The following CRAMP1 variants were observed in gnomAD, a reference collection of about 807,000 sequenced individuals.
CRAMP1 encodes the protein cramped chromatin regulator 1.
A neutral mutation model predicts 115.4 loss-of-function variants in CRAMP1; 50 were observed. That is an observed-to-expected ratio of 0.43 (90% CI 0.35 to 0.55). CRAMP1 has a LOEUF of 0.55. CRAMP1 is among the 20% of genes least tolerant of loss of function. The pLI is 0.01. For missense variants in CRAMP1, 1,679 were observed against 1,721.7 expected, an observed-to-expected ratio of 0.98 and a Z score of 0.44; for synonymous variants, 866 against 745.4, an observed-to-expected ratio of 1.16 and a Z score of -2.64.
At position 1,670,736 on chromosome 16, in the gene CRAMP1, T is replaced by G; in HGVS notation, c.3572T>G (p.Leu1191Trp). ...TPIGTNSGTSLLGPSLLDGNS... is the reference protein window; with the variant it reads ...TPIGTNSGTSWLGPSLLDGNS... ...ATTGGGACCAACAGTGGCACTTCCT[T>G]GCTTGGCCCCAGCTTGTTGGATGGA... Residue 1191 changes from leucine (L) to tryptophan (W), a missense_variant, in exon 20 of 21, where the codon TTG becomes TGG. Leu to Trp is a moderately conservative substitution (Grantham distance 61, BLOSUM62 -2). This residue lies in a region of CRAMP1 where 709 missense variants were observed against 741.9 expected (regional missense o/e 0.96). Transcript: ENST00000397412. The G allele has an allele frequency of 1.2e-6, 2 of 1,614,018 alleles. No individual in the cohort carries two copies. Among genetic ancestry groups the G allele is most frequent in the Non-Finnish European group, 1.7e-6 (2 of 1,179,878 alleles).
At chr16:1,667,448 C>G (rs1255173657) in intron 17 of CRAMP1, 48 bp downstream of exon 17, 8 of 1,448,856 alleles carry the variant, frequency 5.5e-6, no homozygotes, top group Non-Finnish European at 7.7e-6. Flanking sequence ...CCCCAGGACT[C>G]CCTCCAGTGC....
At chr16:1,641,004 G>C in intron 5 of CRAMP1, 135 bp from the exon 6 acceptor site, 1 of 625,548 alleles carries the variant, frequency 1.6e-6, no homozygotes, top group Admixed American at 2.8e-5. Flanking sequence ...GCTACTGTAG[G>C]GCTTTTATTC....
chr16:1,667,631 A>C (rs2036887206), intron 17 of CRAMP1, among the ~76,000 whole-genome samples: 1 of 152,144 alleles, frequency 6.6e-6, no homozygotes, highest in African/African-American at 2.4e-5. Flanking sequence ...TTTCAGACCC[A>C]GCTCTGGAAG....
At chr16:1,651,953 T>G (rs1459008792) in intron 6 of CRAMP1, among the ~76,000 whole-genome samples, 3 of 143,208 alleles carry the variant, frequency 2.1e-5, no homozygotes, top group Non-Finnish European at 4.6e-5. Flanking sequence ...TAGAAGTGGA[T>G]TGAGGTCACA....
intron 10 of CRAMP1, among the ~76,000 whole-genome samples, chr16:1,657,705 G>A (rs1036230919): frequency 3.9e-5 from 6 of 152,172 alleles, no homozygotes; most frequent in Non-Finnish European, 7.4e-5. Flanking sequence ...AGGCCAGTTG[G>A]TGGAGCCGAC....
At chr16:1,660,142 G>A (rs1039331022) in intron 11 of CRAMP1, 79 bp downstream of exon 11, 10 of 1,278,796 alleles carry the variant, frequency 7.8e-6, no homozygotes, top group Non-Finnish European at 9.4e-6. Flanking sequence ...TGCCGAAGCT[G>A]AGAGCACAGG....
At chr16:1,662,046 C>T (rs976201030) in intron 11 of CRAMP1, among the ~76,000 whole-genome samples, 1 of 152,228 alleles carries the variant, frequency 6.6e-6, no homozygotes, top group Non-Finnish European at 1.5e-5. Flanking sequence ...CTCATTTGCT[C>T]ACCTGTTGTC....
In CRAMP1 at chr16:1,659,811, C is replaced by A. The variant is rs528405335; in HGVS notation, c.2236-75C>A. The A allele has an allele frequency of 8.7e-5, 119 of 1,374,476 alleles. No individual in the cohort carries two copies. In the South Asian group the frequency reaches 1.3e-3, roughly 16 times the overall value. 85.1% of individuals were successfully genotyped at this position (1,374,476 alleles called of 1,614,324 possible). On this transcript the variant is annotated intron_variant, in intron 10 of 20. Coordinates refer to ENST00000397412, the MANE Select transcript of CRAMP1 (RefSeq NM_020825.4). ...TCTGAGCTCGATGATTTTCTTGTGCCTCCTACTCCAGGGCACGCAAGAGCC... is the reference window on the plus strand; with the variant it reads ...TCTGAGCTCGATGATTTTCTTGTGCATCCTACTCCAGGGCACGCAAGAGCC...
At chr16:1,628,493 A>C (rs1192366459) in intron 3 of CRAMP1, among the ~76,000 whole-genome samples, 1 of 152,204 alleles carries the variant, frequency 6.6e-6, no homozygotes, top group Non-Finnish European at 1.5e-5. Flanking sequence ...ACCTCGGGTG[A>C]TCCACCTGCC....
At position 1,652,508 on chromosome 16, in the gene CRAMP1, A is replaced by G; in HGVS notation, c.840A>G (p.Val280=). 6.4e-7 allele frequency: 1 copy of G among 1,552,092 alleles called. No homozygotes were observed. Among genetic ancestry groups the G allele is most frequent in the Non-Finnish European group, 8.7e-7 (1 of 1,147,166 alleles). The change falls in exon 7 of 21, where the codon GTA becomes GTG. Residue 280 remains valine (V), a synonymous_variant. Transcript: ENST00000397412. ...NELIQVGATT[V]RYKGRNLRIK... The stretch of plus-strand genomic sequence containing the variant: ...ACTCTTTTCCCAGGGCCACCACTGT[A>G]CGTTACAAAGGGCGGAACCTGCGGA...
chr16:1,626,898 A>G (rs1321180580), intron 3 of CRAMP1, among the ~76,000 whole-genome samples: 1 of 151,916 alleles, frequency 6.6e-6, no homozygotes, highest in Non-Finnish European at 1.5e-5. Context: ...GCCAGGGTCG[A>G]TGTACTGTCT....
chr16:1,620,907 C>T (rs1178772440), intron 2 of CRAMP1, among the ~76,000 whole-genome samples: 1 of 148,266 alleles, frequency 6.7e-6, no homozygotes, highest in Non-Finnish European at 1.5e-5. Flanking sequence ...CTTCTAAAGC[C>T]TCAGTTTCCC....
At chr16:1,620,592 AT>A in intron 2 of CRAMP1, 1 of 455,926 alleles carries the variant, frequency 2.2e-6, no homozygotes, top group Non-Finnish European at 4.4e-6. Context: ...GTTAGAGATG[AT>A]GACAGGGTGT....
In CRAMP1 at chr16:1,614,783, C is replaced by A. The variant is rs2036402387; in HGVS notation, c.144C>A (p.Asp48Glu). The A allele has an allele frequency of 1.5e-6, 2 of 1,349,182 alleles. No individual in the cohort carries two copies. The highest frequency in any genetic ancestry group is 1.9e-6 in the Non-Finnish European group (2 of 1,041,060). The allele number at this position is 1,349,182 out of a possible 1,614,324, so 83.6% of individuals were successfully genotyped here. ...AGGAGAGCAGCGGCACAAAGAGGGA[C>A]GAGAAGACCCCCCGGGCCGGCGCCG... ...AAEESSGTKRDEKTPRAGADG... is the reference protein window; with the variant it reads ...AAEESSGTKREEKTPRAGADG... The change falls in exon 2 of 21, where the codon GAC (aspartate) becomes GAA (glutamate). Residue 48 changes from aspartate to glutamate, a missense_variant. Asp to Glu is a conservative substitution (Grantham distance 45). Coordinates refer to ENST00000397412, the MANE Select transcript of CRAMP1 (RefSeq NM_020825.4). The surrounding 1 kb of genome is among the most constrained non-coding windows in gnomAD (Gnocchi z 4.4).
intron 1 of CRAMP1, among the ~76,000 whole-genome samples, 134 bp downstream of exon 1, chr16:1,612,791 A>C (rs1433108554): frequency 1.3e-5 from 2 of 151,480 alleles, no homozygotes; most frequent in East Asian, 2.0e-4. Flanking sequence ...CAGGGCGAGG[A>C]GGCTTCTGCG....
Position 1,666,051 on chromosome 16 carries a change from G to A in CRAMP1, c.2753-22G>A, listed in dbSNP as rs780182968. ...CATGGCGGGCGGGCTCGACATGTCT[G>A]CTTTTGCCCTCGCCCTCGCAGGGAG... On this transcript the variant is annotated intron_variant, in intron 14 of 20. Transcript: ENST00000397412. The surrounding 1 kb of genome is among the most constrained non-coding windows in gnomAD (Gnocchi z 5.0). The A allele has an allele frequency of 6.5e-7, 1 of 1,540,874 alleles. No individual in the cohort carries two copies. The highest frequency in any genetic ancestry group is 2.4e-5 in the East Asian group (1 of 42,246).
chr16:1,656,986 C>T lies in CRAMP1; in HGVS notation c.2229C>T (p.Pro743=). Residue 743 remains proline (P), a synonymous_variant, in exon 10 of 21, where the codon CCC becomes CCT. Transcript: ENST00000397412. The surrounding 1 kb of genome is among the most constrained non-coding windows in gnomAD (Gnocchi z 5.6). ...LLKLISTEVN[P]KLALEANTIS... ...AGCTCATTTCCACCGAGGTCAACCC[C>T]AAGCTGGTGAGTGGGTTGGAGCCCA... 2.0e-6 allele frequency: 3 copies of T among 1,527,442 alleles called. No homozygotes were observed. In the South Asian group the frequency reaches 3.7e-5, roughly 19 times the overall value. 94.6% of individuals were successfully genotyped at this position (1,527,442 alleles called of 1,614,324 possible).
Position 1,676,747 on chromosome 16 carries a change from A to C in CRAMP1, c.*2702A>C, listed in dbSNP as rs2036971697. 1 of 152,190 alleles carries C rather than the reference A, an allele frequency of 6.6e-6. No individual in the cohort carries two copies. The highest frequency in any genetic ancestry group is 1.9e-4 in the East Asian group (1 of 5,192). 9.4% of individuals were successfully genotyped at this position (152,190 alleles called of 1,614,324 possible). ...CCAGGGAAGTTAGTCCTCTGGCCTC[A>C]ATTCTGTTGTGGATGTGCAGTGATA... On this transcript the variant is annotated 3_prime_UTR_variant, in exon 21 of 21. Transcript: ENST00000397412.
At chr16:1,665,326 C>T (rs2036865336) in intron 14 of CRAMP1, among the ~76,000 whole-genome samples, 188 bp downstream of exon 14, 1 of 152,150 alleles carries the variant, frequency 6.6e-6, no homozygotes, top group South Asian at 2.1e-4. Flanking sequence ...GGCAGCTAGT[C>T]CAGCGAGGCA....
Sources: gnomAD v4.1 joint callset for allele counts (sites outside exome capture counted in the v4.1 genomes callset) on GRCh38, gnomAD v4.1.1 for gene constraint, gnomAD v4.1.1 regional missense constraint, Gnocchi (gnomAD v3.1) non-coding constraint, MANE v1.5 for transcripts, NCBI Gene and HGNC (gene_info 2026-07-23, HGNC 2026-07-21) for gene names.